ELP4: variants seen among roughly 807,000 people sequenced by gnomAD.
ELP4 encodes elongator acetyltransferase complex subunit 4.
A neutral mutation model predicts 48.9 loss-of-function variants in ELP4; 51 were observed. The ratio of observed to expected loss-of-function variants is 1.04; its 90% CI spans 0.83 to 1.32. The LOEUF is 1.32. ELP4 is among the 40% of genes most tolerant of loss of function. The probability of loss-of-function intolerance (pLI) is 0.00; values close to 1 mark genes in which losing one functional copy is unlikely to be tolerated. For synonymous variants in ELP4, 210 were observed against 189.2 expected (o/e 1.11, Z -0.90); for missense variants, 519 against 514.6 (o/e 1.01, Z -0.08).
intron 2 of ELP4, 22 bp from the exon 3 acceptor site, chr11:31,539,640 C>T (rs763702473): frequency 6.3e-7 from 1 of 1,583,168 alleles, no homozygotes; most frequent in Non-Finnish European, 8.6e-7. Flanking sequence ...ATGTTTCTAA[C>T]TGCAACTTTT....
intron 9 of ELP4, among the ~76,000 whole-genome samples, chr11:31,683,347 C>G (rs1011977848): frequency 6.6e-6 from 1 of 152,062 alleles, no homozygotes; most frequent in African/African-American, 2.4e-5. Context: ...GAAAAATTTT[C>G]TAGTTTATAA....
chr11:31,720,537 AGT>A (rs1491583458), intron 9 of ELP4, among the ~76,000 whole-genome samples: 2 of 268 alleles, frequency 7.5e-3, no homozygotes, highest in Non-Finnish European at 0.017. Context: ...AGTCTCTTTC[AGT>A]GCTTAGCAAA....
intron 9 of ELP4, among the ~76,000 whole-genome samples, chr11:31,683,755 A>G (rs1238989919): frequency 6.6e-6 from 1 of 152,228 alleles, no homozygotes; most frequent in African/African-American, 2.4e-5. Context: ...ATAATTAAAG[A>G]GATTTCTTCC....
At chr11:31,747,240 T>C (rs1307105910) in intron 9 of ELP4, among the ~76,000 whole-genome samples, 1 of 152,134 alleles carries the variant, frequency 6.6e-6, no homozygotes, top group East Asian at 1.9e-4. Context: ...TTTTAACTTT[T>C]GGAAAAAAAG....
chr11:31,757,190 A>G (rs1947851186), intron 9 of ELP4, among the ~76,000 whole-genome samples: 2 of 152,174 alleles, frequency 1.3e-5, no homozygotes, highest in Non-Finnish European at 2.9e-5. Flanking sequence ...TTTACTTGGT[A>G]TTTATTTGCT....
At chr11:31,647,665 G>T (rs1001671916) in intron 7 of ELP4, 76 bp from the exon 8 acceptor site, 6 of 888,642 alleles carry the variant, frequency 6.8e-6, no homozygotes, top group Admixed American at 3.7e-5. Flanking sequence ...TTCATGAGAT[G>T]GCATAGGGAT....
intron 9 of ELP4, among the ~76,000 whole-genome samples, chr11:31,738,612 T>G (rs549574129): frequency 6.6e-6 from 1 of 151,944 alleles, no homozygotes; most frequent in South Asian, 2.1e-4. Flanking sequence ...GGAATGCGCC[T>G]ATAGTCTCAG....
At chr11:31,714,948 C>A (rs923966482) in intron 9 of ELP4, 1 of 396,434 alleles carries the variant, frequency 2.5e-6, no homozygotes, top group Non-Finnish European at 4.4e-6. Context: ...TTCCTCTTTG[C>A]CATGTAAGGT....
At chr11:31,724,139 T>C (rs1423161853) in intron 9 of ELP4, among the ~76,000 whole-genome samples, 2 of 152,182 alleles carry the variant, frequency 1.3e-5, no homozygotes, top group Non-Finnish European at 2.9e-5. Context: ...TCCCATCAGT[T>C]TGTCCTGGTC....
At chr11:31,556,137 C>T (rs1484549213) in intron 3 of ELP4, among the ~76,000 whole-genome samples, 1 of 151,840 alleles carries the variant, frequency 6.6e-6, no homozygotes, top group Non-Finnish European at 1.5e-5. Context: ...TATCCATCAT[C>T]CTTTGAAAAC....
At chr11:31,601,907 C>T (rs1034183702) in intron 4 of ELP4, among the ~76,000 whole-genome samples, 3 of 151,934 alleles carry the variant, frequency 2.0e-5, no homozygotes, top group South Asian at 4.1e-4. Flanking sequence ...ATAGCCAAAT[C>T]CTAGTCTCCA....
chr11:31,695,289 G>T (rs1325204601), intron 9 of ELP4, among the ~76,000 whole-genome samples: 3 of 152,078 alleles, frequency 2.0e-5, no homozygotes, highest in Non-Finnish European at 4.4e-5. Context: ...TATTGGCTGT[G>T]GGTTTGTCAT....
chr11:31,582,009 C>T lies in ELP4; in HGVS notation c.382-12761C>T, dbSNP rs186698859. Among the ~76,000 whole-genome samples the T allele has an allele frequency of 1.8e-3, 279 of 152,270 alleles. 1 individual carries two copies. Among genetic ancestry groups the T allele is most frequent in the African/African-American group, 6.2e-3 (259 of 41,542 alleles). On this transcript the variant is annotated intron_variant, in intron 3 of 9. Coordinates refer to ENST00000640961, the MANE Select transcript of ELP4 (RefSeq NM_019040.5). Reference sequence around the variant, plus strand: ...CCTCAGGTGAGCCTTCCGCCTTAGCCTCCCAAAGTGCTGGGATTACAGGTG... The same window carrying T: ...CCTCAGGTGAGCCTTCCGCCTTAGCTTCCCAAAGTGCTGGGATTACAGGTG...
chr11:31,558,678 CT>C (rs1234290148), intron 3 of ELP4, among the ~76,000 whole-genome samples: 2 of 152,246 alleles, frequency 1.3e-5, no homozygotes, highest in East Asian at 3.9e-4. Flanking sequence ...CTTACCCTGC[CT>C]ACCTTATTCC....
At chr11:31,714,103 A>G (rs895606020) in intron 9 of ELP4, among the ~76,000 whole-genome samples, 3 of 152,180 alleles carry the variant, frequency 2.0e-5, no homozygotes, top group Admixed American at 6.5e-5. Flanking sequence ...ATGATTAATC[A>G]TAAGTTTCAT....
intron 9 of ELP4, among the ~76,000 whole-genome samples, chr11:31,709,957 G>A (rs1218755211): frequency 1.3e-5 from 2 of 152,098 alleles, no homozygotes; most frequent in African/African-American, 2.4e-5. Context: ...GTGTACATGT[G>A]CACACCCCCT....
chr11:31,757,753 C>G (rs2067903), intron 9 of ELP4, among the ~76,000 whole-genome samples: 3,801 of 152,220 alleles, frequency 0.025, 135 homozygotes, highest in Admixed American at 0.096. Context: ...CATTACACAA[C>G]ACGCCAGATG....
At chr11:31,730,081 G>A (rs1380951768) in intron 9 of ELP4, among the ~76,000 whole-genome samples, 2 of 152,192 alleles carry the variant, frequency 1.3e-5, no homozygotes, top group Non-Finnish European at 2.9e-5. Flanking sequence ...CACACCCCAG[G>A]CAAGTGCAAA....
In ELP4 at chr11:31,509,852, A is replaced by C. The variant is rs763469993; in HGVS notation, c.68A>C (p.Lys23Thr). The C allele has an allele frequency of 6.2e-7, 1 of 1,614,198 alleles. No homozygotes were observed. Among genetic ancestry groups the C allele is most frequent in the Admixed American group, 1.7e-5 (1 of 60,030 alleles). Residue 23 changes from lysine to threonine, a missense_variant, in exon 1 of 10, where the codon AAG (lysine) becomes ACG (threonine). By Grantham distance (78) the Lys-to-Thr change is moderately conservative (BLOSUM62 -1). Coordinates refer to ENST00000640961, the MANE Select transcript of ELP4 (RefSeq NM_019040.5). ...STGSAVATAS[K>T]SNVTSFQRRG... ...GGGTCTGCAGTGGCGACAGCCAGCA[A>C]GAGCAACGTCACCAGTTTCCAGAGG...
Sources: allele counts gnomAD v4.1 joint callset (sites outside exome capture counted in the v4.1 genomes callset), GRCh38; gene constraint gnomAD v4.1.1; transcripts MANE v1.5; gene names NCBI Gene and HGNC (gene_info 2026-07-23, HGNC 2026-07-21).